ROBO2: variants seen among roughly 807,000 people sequenced by gnomAD.
ROBO2 encodes the protein roundabout homolog 2.
In ROBO2, 53 loss-of-function variants were observed where a neutral mutation model predicts 160.8. The observed-to-expected ratio is 0.33, with a 90% CI of 0.26 to 0.41. The LOEUF (loss-of-function observed/expected upper bound fraction) is 0.41, where lower values mean the gene tolerates loss of function less well. Ranked by LOEUF, ROBO2 falls within the 10% of genes least tolerant of loss-of-function variation. The pLI, the probability that ROBO2 is intolerant of heterozygous loss-of-function variation, is 1.00. For synonymous variants in ROBO2, 664 were observed against 611.7 expected, an observed-to-expected ratio of 1.09 and a Z score of -1.26; for missense variants, 1,577 against 1,722.4, an observed-to-expected ratio of 0.92 and a Z score of 1.49.
intron 2 of ROBO2, among the ~76,000 whole-genome samples, chr3:76,084,753 A>T (rs187085888): frequency 6.6e-6 from 1 of 152,252 alleles, no homozygotes; most frequent in East Asian, 1.9e-4. Context: ...CACTGACAGA[A>T]GAATTACCAC....
intron 2 of ROBO2, among the ~76,000 whole-genome samples, chr3:77,453,783 G>T (rs1292987059): frequency 6.6e-6 from 1 of 152,090 alleles, no homozygotes; most frequent in Non-Finnish European, 1.5e-5. Context: ...ATGTTTGAGT[G>T]CATGGCTTGG....
At chr3:77,301,097 G>A (rs535925956) in intron 2 of ROBO2, among the ~76,000 whole-genome samples, 14 of 151,954 alleles carry the variant, frequency 9.2e-5, no homozygotes, top group Admixed American at 3.3e-4. Flanking sequence ...TCGAACTCCC[G>A]ACCTCAGTTG....
intron 2 of ROBO2, among the ~76,000 whole-genome samples, chr3:75,943,328 A>G (rs1270344058): frequency 3.3e-5 from 5 of 152,162 alleles, no homozygotes. Context: ...TACATCTCCT[A>G]ATGAAGGTTT....
At chr3:76,077,809 G>A (rs1317280825) in intron 2 of ROBO2, among the ~76,000 whole-genome samples, 3 of 152,108 alleles carry the variant, frequency 2.0e-5, no homozygotes, top group Non-Finnish European at 4.4e-5. Context: ...TAGGAAAAAA[G>A]TGGAAAGAAT....
chr3:77,183,996 C>A (rs114676262), intron 2 of ROBO2, among the ~76,000 whole-genome samples: 1 of 151,756 alleles, frequency 6.6e-6, no homozygotes, highest in Non-Finnish European at 1.5e-5. Flanking sequence ...TATCTTTTCC[C>A]TTCTGATCCT....
At chr3:76,076,500 G>A (rs929775126) in intron 2 of ROBO2, among the ~76,000 whole-genome samples, 1 of 152,174 alleles carries the variant, frequency 6.6e-6, no homozygotes, top group African/African-American at 2.4e-5. Context: ...ATAGAGGGTG[G>A]AGGTGCTTCA....
chr3:76,707,731 G>GTATATATATA (rs56401900), intron 2 of ROBO2, among the ~76,000 whole-genome samples: 319 of 134,178 alleles, frequency 2.4e-3, no homozygotes, highest in Non-Finnish European at 3.8e-3. Context: ...ACATGTGTGT[G>GTATATATATA]TATATATATA....
chr3:76,695,167 T>C (rs766042406), intron 2 of ROBO2, among the ~76,000 whole-genome samples: 4 of 152,126 alleles, frequency 2.6e-5, no homozygotes, highest in Non-Finnish European at 1.5e-5. Context: ...TCAAACATCA[T>C]AGCAAGATCC....
intron 2 of ROBO2, among the ~76,000 whole-genome samples, chr3:76,722,858 T>C (rs1238354341): frequency 6.6e-6 from 1 of 152,236 alleles, no homozygotes; most frequent in Admixed American, 6.5e-5. Flanking sequence ...TAATGGGCAT[T>C]GGATTGCTTC....
At chr3:77,542,659 T>G (rs1044652813) in intron 6 of ROBO2, among the ~76,000 whole-genome samples, 1 of 152,142 alleles carries the variant, frequency 6.6e-6, no homozygotes, top group African/African-American at 2.4e-5. Context: ...ATACCATCAG[T>G]GGTAAATATT....
Position 76,482,975 on chromosome 3 carries a change from A to G in ROBO2, c.109+545373A>G, listed in dbSNP as rs188487742. Among the ~76,000 whole-genome samples, 459 of 152,260 alleles carry G rather than the reference A, an allele frequency of 3.0e-3. 1 individual carries two copies. Among genetic ancestry groups the G allele is most frequent in the Non-Finnish European group, 5.2e-3 (351 of 68,026 alleles). ...ATTTCTGTGTTTCCAACATCCTCAA[A>G]TTAATATTTTATTTAAACAAATTGT... is the stretch of plus-strand genomic sequence containing the variant. On this transcript the variant is annotated intron_variant, in intron 2 of 26. Coordinates refer to the ROBO2 transcript ENST00000487694.
At chr3:77,354,037 T>C (rs928887199) in intron 2 of ROBO2, among the ~76,000 whole-genome samples, 15 of 152,178 alleles carry the variant, frequency 9.9e-5, no homozygotes, top group Non-Finnish European at 2.9e-5. Context: ...TTGGGCCACA[T>C]TGAGGATCTT....
intron 2 of ROBO2, among the ~76,000 whole-genome samples, chr3:76,026,769 A>C (rs1352480478): frequency 6.6e-6 from 1 of 151,930 alleles, no homozygotes. Context: ...TGAAGTAGGG[A>C]AGGTGATGAA....
intron 2 of ROBO2, among the ~76,000 whole-genome samples, chr3:77,104,021 C>T (rs1469702338): frequency 3.3e-5 from 5 of 151,996 alleles, no homozygotes; most frequent in Admixed American, 3.3e-4. Context: ...GCAAAAAGAT[C>T]AATCCATAGA....
At chr3:76,275,255 T>C (rs1333948787) in intron 2 of ROBO2, among the ~76,000 whole-genome samples, 3 of 152,158 alleles carry the variant, frequency 2.0e-5, no homozygotes, top group Non-Finnish European at 4.4e-5. Flanking sequence ...ATTTAAGTAG[T>C]GGAAGCAGAA....
chr3:77,245,424 T>A (rs2089612454), intron 2 of ROBO2, among the ~76,000 whole-genome samples: 1 of 152,188 alleles, frequency 6.6e-6, no homozygotes, highest in African/African-American at 2.4e-5. Flanking sequence ...GGATTTTCAT[T>A]AAAAAATTAA....
intron 23 of ROBO2, among the ~76,000 whole-genome samples, chr3:77,624,515 A>G (rs2094965470): frequency 6.6e-6 from 1 of 152,144 alleles, no homozygotes; most frequent in Admixed American, 6.5e-5. Flanking sequence ...TAGAGACTGA[A>G]TATTAGAGAA....
intron 2 of ROBO2, among the ~76,000 whole-genome samples, chr3:76,592,223 A>C (rs912009076): frequency 2.6e-5 from 4 of 152,072 alleles, no homozygotes; most frequent in Non-Finnish European, 5.9e-5. Flanking sequence ...GGTCCTTGAA[A>C]CATTGAATGT....
chr3:76,943,024 G>A (rs2149122058), intron 2 of ROBO2, among the ~76,000 whole-genome samples: 1 of 152,242 alleles, frequency 6.6e-6, no homozygotes, highest in African/African-American at 2.4e-5. Context: ...TAGAGAAATA[G>A]ACTTTAGAAC....
Sources: allele counts gnomAD v4.1 joint callset (sites outside exome capture counted in the v4.1 genomes callset), GRCh38; gene constraint gnomAD v4.1.1; transcripts MANE v1.5; gene names NCBI Gene and HGNC (gene_info 2026-07-23, HGNC 2026-07-21).